The following CREB5 variants were observed in gnomAD, a reference collection of about 807,000 sequenced individuals.
CREB5 encodes cAMP responsive element binding protein 5, also known as cyclic AMP-responsive element-binding protein 5.
A neutral mutation model predicts 57.1 loss-of-function variants in CREB5; 19 were observed. The ratio of observed to expected loss-of-function variants is 0.33; its 90% CI spans 0.23 to 0.49. The LOEUF (loss-of-function observed/expected upper bound fraction) is 0.49. CREB5 is among the 20% of genes least tolerant of loss of function. The probability of loss-of-function intolerance (pLI) is 0.99; values close to 1 mark genes in which losing one functional copy is unlikely to be tolerated. For missense variants in CREB5, 579 were observed against 671.6 expected, an observed-to-expected ratio of 0.86 and a Z score of 1.52; for synonymous variants, 238 against 238.3, an observed-to-expected ratio of 1.00 and a Z score of 0.01.
intron 1 of CREB5, among the ~76,000 whole-genome samples, chr7:28,336,751 C>T (rs992270958): frequency 3.3e-5 from 5 of 151,380 alleles, no homozygotes; most frequent in African/African-American, 1.2e-4. Context: ...TTGATTTGCT[C>T]TTGCTTTTCT....
At chr7:28,541,836 G>T (rs1027632954) in intron 4 of CREB5, among the ~76,000 whole-genome samples, 1 of 152,098 alleles carries the variant, frequency 6.6e-6, no homozygotes, top group Non-Finnish European at 1.5e-5. Flanking sequence ...TAACAACTTT[G>T]TCTCAATGGC....
intron 5 of CREB5, among the ~76,000 whole-genome samples, chr7:28,709,090 G>T (rs574126978): frequency 3.9e-5 from 6 of 152,088 alleles, no homozygotes; most frequent in Admixed American, 1.3e-4. Flanking sequence ...TTTGAGTTGC[G>T]TTCAAAATCA....
chr7:28,352,090 A>G (rs1317292860), intron 1 of CREB5, among the ~76,000 whole-genome samples: 1 of 152,244 alleles, frequency 6.6e-6, no homozygotes, highest in Admixed American at 6.5e-5. Context: ...TAGAGCTGCT[A>G]TGTTATCATC....
At chr7:28,523,150 T>C (rs1793283936) in intron 4 of CREB5, among the ~76,000 whole-genome samples, 1 of 152,222 alleles carries the variant, frequency 6.6e-6, no homozygotes, top group Admixed American at 6.5e-5. Flanking sequence ...GCCCTGGGTC[T>C]CTTAGGGCAT....
intron 5 of CREB5, among the ~76,000 whole-genome samples, chr7:28,694,737 G>A (rs56197009): frequency 0.15 from 23,011 of 152,016 alleles, 2,027 homozygotes; most frequent in Middle Eastern, 0.19. Flanking sequence ...TGTGGAGACT[G>A]GGTATCCCTA....
chr7:28,662,822 A>G (rs1291316867), intron 5 of CREB5, among the ~76,000 whole-genome samples: 5 of 152,158 alleles, frequency 3.3e-5, no homozygotes, highest in African/African-American at 4.8e-5. Flanking sequence ...TGATTGATGC[A>G]GAGGATGGTA....
At chr7:28,798,122 AT>A (rs997666382) in intron 7 of CREB5, among the ~76,000 whole-genome samples, 1 of 152,116 alleles carries the variant, frequency 6.6e-6, no homozygotes, top group East Asian at 1.9e-4. Context: ...ATACTTTCAC[AT>A]TTTTTTTCTG....
At chr7:28,503,379 T>G (rs1792347001) in intron 3 of CREB5, among the ~76,000 whole-genome samples, 1 of 151,424 alleles carries the variant, frequency 6.6e-6, no homozygotes, top group South Asian at 2.1e-4. Context: ...TCCTACTGAC[T>G]CTCTCCTATC....
chr7:28,618,602 C>T (rs1163609773), intron 5 of CREB5, among the ~76,000 whole-genome samples: 2 of 152,142 alleles, frequency 1.3e-5, no homozygotes, highest in Non-Finnish European at 2.9e-5. Context: ...GTAGGGCTCT[C>T]TGATTCCAGA....
rs1169041503 is a variant in CREB5 at position 28,560,821 on chromosome 7, T to TGC, written c.292-9532_292-9531dup. Among the ~76,000 whole-genome samples, 4 of 60,270 alleles carry TGC rather than the reference T, an allele frequency of 6.6e-5. 1 individual carries two copies. The highest frequency in any genetic ancestry group is 3.0e-4 in the Admixed American group (2 of 6,668). The allele number at this position is 60,270 out of a possible 152,430, so 39.5% of individuals were successfully genotyped here. A position where few individuals can be genotyped will look rare whatever the true frequency, so the allele number is the denominator to read the frequency against. On this transcript the variant is annotated intron_variant, in intron 4 of 10. Coordinates refer to ENST00000357727, the MANE Select transcript of CREB5 (RefSeq NM_182898.4). ...CAGTGTGTGTGCGCGTGTGTGTGTGTGCGCGCGCGCGCGTGTGTGTGTGCG... is the reference window on the plus strand; with the variant it reads ...CAGTGTGTGTGCGCGTGTGTGTGTGTGCGCGCGCGCGCGCGTGTGTGTGTGCG...
intron 4 of CREB5, among the ~76,000 whole-genome samples, chr7:28,527,699 T>C (rs562695824): frequency 2.4e-4 from 37 of 152,266 alleles, no homozygotes; most frequent in Admixed American, 2.4e-3. Flanking sequence ...TGCATGCCTG[T>C]ATTCCTAGCC....
intron 5 of CREB5, among the ~76,000 whole-genome samples, chr7:28,660,219 A>G (rs1799547451): frequency 6.6e-6 from 1 of 152,174 alleles, no homozygotes; most frequent in South Asian, 2.1e-4. Context: ...TTATGAAAAA[A>G]AAGTTGCAGT....
chr7:28,757,496 C>A (rs981006403), intron 7 of CREB5, among the ~76,000 whole-genome samples: 1 of 152,048 alleles, frequency 6.6e-6, no homozygotes, highest in Admixed American at 6.5e-5. Context: ...CGCGGTGAAA[C>A]CCCGTCTCTA....
At chr7:28,387,672 C>G (rs1787139370) in intron 1 of CREB5, among the ~76,000 whole-genome samples, 1 of 152,010 alleles carries the variant, frequency 6.6e-6, no homozygotes, top group African/African-American at 2.4e-5. Context: ...GGAAGAAGAG[C>G]TAGTGGATGC....
upstream of CREB5, chr7:28,410,552 CCCTAGACCTTGTCCACA>C (rs1562697901): frequency 1.1e-5 from 5 of 456,716 alleles, no homozygotes; most frequent in Middle Eastern, 9.8e-4. Flanking sequence ...GTAGATAAAG[CCCTAGACCTTGTCCACA>C]CTCTCACCCC....
In CREB5 at chr7:28,756,112, G is replaced by A. The variant is rs540213580; in HGVS notation, c.702+31780G>A. Among the ~76,000 whole-genome samples, 12 of 152,152 alleles carry A rather than the reference G, an allele frequency of 7.9e-5. No individual in the cohort carries two copies. In the East Asian group the frequency reaches 1.4e-3, roughly 17 times the overall value. ...TATTGTATGCAAACCCTCCTACCTC[G>A]GGGGATTTACCTACCTGCTGGAACT... On this transcript the variant is annotated intron_variant, in intron 7 of 10. Transcript: ENST00000357727.
intron 5 of CREB5, among the ~76,000 whole-genome samples, chr7:28,600,935 C>G (rs758599053): frequency 6.6e-6 from 1 of 152,112 alleles, no homozygotes; most frequent in Non-Finnish European, 1.5e-5. Context: ...CCCTGCCCCC[C>G]TAAGATTTTC....
intron 5 of CREB5, among the ~76,000 whole-genome samples, chr7:28,608,155 A>ACT (rs1562525019): frequency 2.1e-5 from 3 of 144,462 alleles, no homozygotes; most frequent in Admixed American, 6.9e-5. Flanking sequence ...ACACACACAC[A>ACT]CTCTCAAACT....
At chr7:28,598,830 A>G (rs554392563) in intron 5 of CREB5, among the ~76,000 whole-genome samples, 1 of 152,294 alleles carries the variant, frequency 6.6e-6, no homozygotes, top group African/African-American at 2.4e-5. Context: ...GGGGGAGTCT[A>G]TGTTTAAAGT....
Sources: gnomAD v4.1 joint callset for allele counts (sites outside exome capture counted in the v4.1 genomes callset) on GRCh38, gnomAD v4.1.1 for gene constraint, MANE v1.5 for transcripts, NCBI Gene and HGNC (gene_info 2026-07-23, HGNC 2026-07-21) for gene names.